The following MVB12B variants were observed in gnomAD, a reference collection of about 807,000 sequenced individuals.
MVB12B encodes the protein ESCRT-I complex subunit MVB12B.
MVB12B carries 16 observed loss-of-function variants against 41.6 expected under a neutral mutation model. That is an observed-to-expected ratio of 0.38 (90% confidence interval 0.26 to 0.58). The LOEUF is 0.58. Ranked by LOEUF, MVB12B falls within the 20% of genes least tolerant of loss-of-function variation. MVB12B has a pLI of 0.62. For missense variants in MVB12B, 274 were observed against 380.2 expected (o/e 0.72, Z 2.32); for synonymous variants, 133 against 139.7 (o/e 0.95, Z 0.34).
intron 6 of MVB12B, among the ~76,000 whole-genome samples, chr9:126,418,048 T>C (rs1831876006): frequency 6.6e-6 from 1 of 152,078 alleles, no homozygotes; most frequent in Non-Finnish European, 1.5e-5. Context: ...AGAGGCAGAA[T>C]CTGGAAGGTG....
chr9:126,363,081 G>GGAGGCT (rs1377661871), intron 2 of MVB12B, among the ~76,000 whole-genome samples: 1 of 151,916 alleles, frequency 6.6e-6, no homozygotes, highest in Non-Finnish European at 1.5e-5. Flanking sequence ...CAGCTACTCA[G>GGAGGCT]GAGGCTGAGG....
At position 126,464,959 on chromosome 9, in the gene MVB12B, T is replaced by G. The variant is rs534365162; in HGVS notation, c.758-16410T>G. Among the ~76,000 whole-genome samples the G allele has an allele frequency of 3.3e-5, 5 of 152,286 alleles. No individual in the cohort carries two copies. In the East Asian group the frequency reaches 9.6e-4, roughly 29 times the overall value. Reference sequence around the variant, plus strand: ...TGCTTTGCTTCCCTTAGACAGATGCTCTCGTGCCGGTATCGGCTTCAGACA... The same window carrying G: ...TGCTTTGCTTCCCTTAGACAGATGCGCTCGTGCCGGTATCGGCTTCAGACA... On this transcript the variant is annotated intron_variant, in intron 7 of 9. Coordinates refer to ENST00000361171, the MANE Select transcript of MVB12B (RefSeq NM_033446.3).
intron 6 of MVB12B, among the ~76,000 whole-genome samples, chr9:126,398,616 C>T (rs1007437400): frequency 6.6e-6 from 1 of 152,220 alleles, no homozygotes; most frequent in Non-Finnish European, 1.5e-5. Context: ...CCAGTGCGGT[C>T]TTTGTGTGGC....
intron 1 of MVB12B, among the ~76,000 whole-genome samples, chr9:126,332,890 G>A (rs1202603117): frequency 6.6e-6 from 1 of 152,212 alleles, no homozygotes; most frequent in Non-Finnish European, 1.5e-5. Context: ...GTAACTTACG[G>A]TCTGCTAGGG....
intron 2 of MVB12B, among the ~76,000 whole-genome samples, chr9:126,347,469 C>T (rs976770753): frequency 1.3e-5 from 2 of 152,188 alleles, no homozygotes; most frequent in Non-Finnish European, 2.9e-5. Context: ...ATGCCCAAAA[C>T]GTAGTAGGAA....
At chr9:126,460,965 C>T (rs965745393) in intron 7 of MVB12B, among the ~76,000 whole-genome samples, 4 of 152,190 alleles carry the variant, frequency 2.6e-5, no homozygotes, top group African/African-American at 7.2e-5. Context: ...ATTTGAACAA[C>T]GTTTTGAGTC....
intron 2 of MVB12B, among the ~76,000 whole-genome samples, chr9:126,344,041 T>A (rs546834263): frequency 6.8e-6 from 1 of 147,688 alleles, no homozygotes; most frequent in African/African-American, 2.5e-5. Flanking sequence ...AATATACTTT[T>A]CTTGGTAAAA....
rs200568360 is a variant in MVB12B, at chr9:126,489,961, AG to A, written c.873+5930del. ...CTCCAGTTTGGCTCTGCAGGAGGGC[AG>A]TGGGTGACCCGGTGGGGCTGTTGTC... On this transcript the variant is annotated intron_variant, in intron 9 of 9. Transcript: ENST00000361171. Among the ~76,000 whole-genome samples the A allele has an allele frequency of 1.1e-3, 166 of 152,242 alleles. No individual in the cohort carries two copies. The Middle Eastern group carries it at 0.014, about 12-fold the overall frequency.
At chr9:126,464,184 C>G (rs1833147228) in intron 7 of MVB12B, among the ~76,000 whole-genome samples, 1 of 152,150 alleles carries the variant, frequency 6.6e-6, no homozygotes, top group Non-Finnish European at 1.5e-5. Context: ...ATGATCGGAG[C>G]ACAGTCATCC....
intron 9 of MVB12B, among the ~76,000 whole-genome samples, chr9:126,492,845 TAAAAC>T (rs1319196490): frequency 2.6e-5 from 4 of 152,158 alleles, no homozygotes; most frequent in Non-Finnish European, 5.9e-5. Context: ...CCCTGTCTCT[TAAAAC>T]AAAAAACAAT....
intron 6 of MVB12B, among the ~76,000 whole-genome samples, chr9:126,407,467 G>T (rs187883304): frequency 2.8e-3 from 426 of 152,260 alleles, no homozygotes; most frequent in African/African-American, 9.8e-3. Context: ...CTAAATTTCA[G>T]AAGTAATTTG....
chr9:126,408,989 G>C (rs976382345), intron 6 of MVB12B, among the ~76,000 whole-genome samples: 1 of 152,062 alleles, frequency 6.6e-6, no homozygotes, highest in Non-Finnish European at 1.5e-5. Flanking sequence ...TACTCTGCGG[G>C]GTTTGGATGG....
At chr9:126,502,437 T>G (rs1014653661) in intron 9 of MVB12B, among the ~76,000 whole-genome samples, 3 of 152,088 alleles carry the variant, frequency 2.0e-5, no homozygotes, top group Non-Finnish European at 4.4e-5. Context: ...GGAACGCGAT[T>G]TAGTGAGCCA....
chr9:126,384,567 C>T (rs1032694819), intron 3 of MVB12B, among the ~76,000 whole-genome samples: 7 of 152,090 alleles, frequency 4.6e-5, no homozygotes, highest in Admixed American at 1.3e-4. Flanking sequence ...CTTCCTCTGT[C>T]GCCCAGGCTG....
chr9:126,400,105 A>T (rs566416418), intron 6 of MVB12B, among the ~76,000 whole-genome samples: 1 of 152,188 alleles, frequency 6.6e-6, no homozygotes, highest in Non-Finnish European at 1.5e-5. Context: ...GCACTGCCTC[A>T]CACCACCAGG....
At chr9:126,372,513 G>A (rs560882560) in intron 2 of MVB12B, among the ~76,000 whole-genome samples, 6 of 152,282 alleles carry the variant, frequency 3.9e-5, no homozygotes, top group Non-Finnish European at 5.9e-5. Context: ...GCTCGCATTC[G>A]TCCACATCCT....
intron 7 of MVB12B, among the ~76,000 whole-genome samples, chr9:126,454,613 T>G (rs1376310757): frequency 6.6e-6 from 1 of 152,224 alleles, no homozygotes; most frequent in African/African-American, 2.4e-5. Context: ...GGTATGGACC[T>G]TGCATTTTTT....
chr9:126,437,696 G>A (rs1344794246), intron 7 of MVB12B, among the ~76,000 whole-genome samples: 3 of 152,152 alleles, frequency 2.0e-5, no homozygotes, highest in Admixed American at 6.5e-5. Flanking sequence ...GTTGACAGGC[G>A]GGAGTACGCT....
intron 6 of MVB12B, among the ~76,000 whole-genome samples, chr9:126,410,614 G>A (rs1564316461): frequency 6.6e-6 from 1 of 152,110 alleles, no homozygotes; most frequent in Non-Finnish European, 1.5e-5. Flanking sequence ...GGCCTCCCTG[G>A]AAAGCCCCTC....
Sources: allele counts gnomAD v4.1 joint callset (sites outside exome capture counted in the v4.1 genomes callset), GRCh38; gene constraint gnomAD v4.1.1; transcripts MANE v1.5; gene names NCBI Gene and HGNC (gene_info 2026-07-23, HGNC 2026-07-21).